NOTCH4: variants seen among roughly 807,000 people sequenced by gnomAD.
NOTCH4 encodes the protein notch receptor 4.
In NOTCH4, 138 loss-of-function variants were observed where a neutral mutation model predicts 189.0. That is an observed-to-expected ratio of 0.73 (90% CI 0.64 to 0.84). The LOEUF (loss-of-function observed/expected upper bound fraction) is 0.84. Ranked by LOEUF, NOTCH4 falls within the 40% of genes least tolerant of loss-of-function variation. The pLI is 0.00. For missense variants in NOTCH4, 2,286 were observed against 2,605.4 expected (o/e 0.88, Z 2.67); for synonymous variants, 942 against 1,032.8 (o/e 0.91, Z 1.69).
intron 11 of NOTCH4, 153 bp downstream of exon 11, chr6:32,216,792 C>T (rs1401903434): frequency 2.1e-6 from 2 of 967,842 alleles, no homozygotes; most frequent in Non-Finnish European, 3.3e-6. Flanking sequence ...CATGGTTGTA[C>T]AATTGTGCAG....
rs443198 is a variant in NOTCH4, at chr6:32,222,629, A to G, written c.333T>C (p.Gly111=). 635,489 of 1,605,374 alleles carry G rather than the reference A, an allele frequency of 0.4. 129,327 individuals carry two copies. The highest frequency in any genetic ancestry group is 0.53 in the East Asian group (23,566 of 44,700). The change falls in exon 3 of 30, where the codon GGT becomes GGC. Residue 111 remains glycine (G), a synonymous_variant. Transcript: ENST00000375023. ...FLCTCLPGFT[G]ERCQAKLEDP... ...CTTCAAGCTTGGCCTGGCATCTCTC[A>G]CCAGTGAAGCCAGGGAGGCAAGTGC...
rs1434121528 is a variant in NOTCH4, at chr6:32,215,206, G to A, written c.2021+20C>T. The A allele has an allele frequency of 1.3e-6, 2 of 1,574,672 alleles. No homozygotes were observed. The highest frequency in any genetic ancestry group is 8.6e-7 in the Non-Finnish European group (1 of 1,162,486). On this transcript the variant is annotated intron_variant, in intron 12 of 29. Coordinates refer to ENST00000375023, the MANE Select transcript of NOTCH4 (RefSeq NM_004557.4). ...GAGCCCAAAGGAGGGGGCAGATGGG[G>A]AGGGTCTGGAAGATGTTACCTCTGG...
chr6:32,217,849 A>G lies in NOTCH4; in HGVS notation c.1624+146T>C. 1 of 622,298 alleles carries G rather than the reference A, an allele frequency of 1.6e-6. No individual in the cohort carries two copies. Among genetic ancestry groups the G allele is most frequent in the Non-Finnish European group, 2.9e-6 (1 of 343,340 alleles). The allele number at this position is 622,298 out of a possible 1,614,324, so 38.5% of individuals were successfully genotyped here. On this transcript the variant is annotated intron_variant, in intron 9 of 29. Coordinates refer to ENST00000375023, the MANE Select transcript of NOTCH4 (RefSeq NM_004557.4). This position sits in a 1 kb window ranked among gnomAD's most constrained non-coding sequence, Gnocchi z 4.2. ...GGAAGATTTGGGGATGTAAGAGTAG[A>G]GATTTTGGGGAGCAAAGACAGATTT...
chr6:32,222,733 C>T lies in NOTCH4; in HGVS notation c.229G>A (p.Gly77Arg), dbSNP rs746522697. 7 of 1,611,332 alleles carry T rather than the reference C, an allele frequency of 4.3e-6. No homozygotes were observed. Among genetic ancestry groups the T allele is most frequent in the Admixed American group, 1.7e-5 (1 of 59,048 alleles). Residue 77 changes from glycine to arginine, a missense_variant, in exon 3 of 30, where the codon GGA (glycine) becomes AGA (arginine). By Grantham distance (125) the Gly-to-Arg change is moderately radical (BLOSUM62 -2). Transcript: ENST00000375023. ...PCQNAQLCQN[G>R]GSCQALLPAP... is the part of the protein sequence containing the mutation. ...GGAAGCAGGGCTTGGCAGCTGCCTC[C>T]ATTTTGGCAGAGCTGGGCGTTCTGG... is the stretch of plus-strand genomic sequence containing the variant.
chr6:32,222,641 A>G lies in NOTCH4; in HGVS notation c.321T>C (p.Pro107=). The G allele has an allele frequency of 6.2e-7, 1 of 1,607,112 alleles. No individual in the cohort carries two copies. The highest frequency in any genetic ancestry group is 8.5e-7 in the Non-Finnish European group (1 of 1,177,816). Residue 107 remains proline, a synonymous_variant, in exon 3 of 30, where the codon CCT becomes CCC. Transcript: ENST00000375023. ...CCTGGCATCTCTCACCAGTGAAGCC[A>G]GGGAGGCAAGTGCACAAGAAGCTGG... ...LTPSFLCTCL[P]GFTGERCQAK...
At chr6:32,209,005 G>T (rs3132947) in intron 18 of NOTCH4, among the ~76,000 whole-genome samples, 28,525 of 152,152 alleles carry the variant, frequency 0.19, 2,807 homozygotes, top group South Asian at 0.25. Context: ...TAACTGAAGT[G>T]CCATCAACAA....
At chr6:32,223,679 C>T (rs1256050400) in intron 1 of NOTCH4, among the ~76,000 whole-genome samples, 177 bp downstream of exon 1, 3 of 152,056 alleles carry the variant, frequency 2.0e-5, no homozygotes, top group East Asian at 1.9e-4. Context: ...GCACCAGGCC[C>T]GAAGCAGCTC....
rs892478057 is a variant in NOTCH4 at position 32,195,711 on chromosome 6, C to G, written c.5738G>C (p.Gly1913Ala). Residue 1913 changes from glycine to alanine, a missense_variant, in exon 30 of 30, where the codon GGC becomes GCC. This residue lies in a region of NOTCH4 where 383 missense variants were observed against 343.5 expected (regional missense o/e 1.11). Coordinates refer to ENST00000375023, the MANE Select transcript of NOTCH4 (RefSeq NM_004557.4). The surrounding 1 kb of genome is among the most constrained non-coding windows in gnomAD (Gnocchi z 5.4). ...GCGCATGCCTGCAGAAAACCTACGG[C>G]CGCGAGGGGTCGGGCCTCCTCCTGC... ...VGAGGGPTPR[G>A]RRFSAGMRGP... The G allele has an allele frequency of 1.9e-6, 3 of 1,612,914 alleles. No homozygotes were observed. In the Admixed American group the frequency reaches 5.0e-5, roughly 27 times the overall value.
At position 32,213,261 on chromosome 6, in the gene NOTCH4, A is replaced by G. The variant is rs773944865; in HGVS notation, c.2321-9T>C. The stretch of plus-strand genomic sequence containing the variant: ...CCCATTGAAGCACGGGGCTGGAGAG[A>G]GGAGGCTGTGAGGGTTTGGGTTCCT... On this transcript the variant is annotated splice_polypyrimidine_tract_variant and intron_variant, in intron 14 of 29. Coordinates refer to ENST00000375023, the MANE Select transcript of NOTCH4 (RefSeq NM_004557.4). 11 of 1,602,032 alleles carry G rather than the reference A, an allele frequency of 6.9e-6. No homozygotes were observed. In the South Asian group the frequency reaches 1.2e-4, roughly 18 times the overall value.
intron 13 of NOTCH4, 122 bp downstream of exon 13, chr6:32,213,988 G>T: frequency 1.4e-6 from 2 of 1,420,968 alleles, no homozygotes; most frequent in Non-Finnish European, 1.9e-6. Flanking sequence ...CACATCACCC[G>T]TGTCCCCTGC....
chr6:32,203,477 AG>A (rs1228062442), intron 20 of NOTCH4: 1 of 447,352 alleles, frequency 2.2e-6, no homozygotes, highest in African/African-American at 2.0e-5. Context: ...AAACACACAC[AG>A]AGTTAAAATA....
At chr6:32,196,202 G>A (rs1787903926) in intron 29 of NOTCH4, 52 bp from the exon 30 acceptor site, 1 of 1,601,540 alleles carries the variant, frequency 6.2e-7, no homozygotes, top group African/African-American at 1.3e-5. Flanking sequence ...CCACAGGACT[G>A]GGCCTTTCTG....
intron 8 of NOTCH4, 95 bp from the exon 9 acceptor site, chr6:32,218,203 C>A: frequency 1.3e-6 from 1 of 777,080 alleles, no homozygotes. Flanking sequence ...TTGCCCCACT[C>A]AGGCGGTCCT....
rs1348511531 is a variant in NOTCH4 at position 32,213,845 on chromosome 6, AG to A, written c.2168-6del. On this transcript the variant is annotated splice_polypyrimidine_tract_variant and splice_region_variant and intron_variant, in intron 13 of 29. Coordinates refer to ENST00000375023, the MANE Select transcript of NOTCH4 (RefSeq NM_004557.4). ...TCTCCTCACTACAGGTGGGTCCTGA[AG>A]GAAACAGGTGGGGGCTGAGAAAGGG... is the stretch of plus-strand genomic sequence containing the variant. 6.2e-7 allele frequency: 1 copy of A among 1,611,696 alleles called. No homozygotes were observed. Among genetic ancestry groups the A allele is most frequent in the South Asian group, 1.1e-5 (1 of 91,000 alleles).
At position 32,220,293 on chromosome 6, in the gene NOTCH4, G is replaced by T. The variant is rs745308410; in HGVS notation, c.1160-9C>A. On this transcript the variant is annotated splice_polypyrimidine_tract_variant and intron_variant, in intron 6 of 29. Coordinates refer to ENST00000375023, the MANE Select transcript of NOTCH4 (RefSeq NM_004557.4). The stretch of plus-strand genomic sequence containing the variant: ...CAAGTGGCACAGGAGTCCTGGAGGG[G>T]TAAGAGGGGGTGAGGCTCTCAAAGG... 2.5e-6 allele frequency: 4 copies of T among 1,611,218 alleles called. No individual in the cohort carries two copies. Among genetic ancestry groups the T allele is most frequent in the Admixed American group, 3.3e-5 (2 of 59,742 alleles).
chr6:32,223,962 C>A lies in NOTCH4; in HGVS notation c.-34G>T. ...CCCTTCTCCAAGCCCCGGTCCCTGT[C>A]CCTCTTCAGGCAGGGACCCTCAGAG... On this transcript the variant is annotated 5_prime_UTR_variant, in exon 1 of 30. Transcript: ENST00000375023. 6.3e-7 allele frequency: 1 copy of A among 1,574,944 alleles called. No homozygotes were observed. The highest frequency in any genetic ancestry group is 1.1e-5 in the South Asian group (1 of 87,688).
chr6:32,202,637 C>G lies in NOTCH4; in HGVS notation c.3232-38G>C. The G allele has an allele frequency of 6.5e-7, 1 of 1,529,228 alleles. No homozygotes were observed. The highest frequency in any genetic ancestry group is 1.4e-5 in the African/African-American group (1 of 72,680). The allele number at this position is 1,529,228 out of a possible 1,614,324, so 94.7% of individuals were successfully genotyped here. ...GGGGAGATATTGGAGATGCAACTTGCATTATTCTTCCCGCTCTCCATCAAG... is the reference window on the plus strand; with the variant it reads ...GGGGAGATATTGGAGATGCAACTTGGATTATTCTTCCCGCTCTCCATCAAG... On this transcript the variant is annotated intron_variant, in intron 20 of 29. Transcript: ENST00000375023. This position sits in a 1 kb window ranked among gnomAD's most constrained non-coding sequence, Gnocchi z 5.7.
Position 32,210,129 on chromosome 6 carries a change from TGAA to T in NOTCH4, c.2865+620_2865+622del, listed in dbSNP as rs888521051. On this transcript the variant is annotated intron_variant, in intron 18 of 29. Coordinates refer to ENST00000375023, the MANE Select transcript of NOTCH4 (RefSeq NM_004557.4). This position sits in a 1 kb window ranked among gnomAD's most constrained non-coding sequence, Gnocchi z 4.8. ...TGGGGAGAAGTTAGGGACATCTTCC[TGAA>T]GAAGATGCCTCCTGAACACCAGCCT... is the stretch of plus-strand genomic sequence containing the variant. Among the ~76,000 whole-genome samples, 1 of 152,102 alleles carries T rather than the reference TGAA, an allele frequency of 6.6e-6. No homozygotes were observed. The highest frequency in any genetic ancestry group is 1.5e-5 in the Non-Finnish European group (1 of 68,012).
chr6:32,204,569 A>G (rs112831495), intron 18 of NOTCH4, among the ~76,000 whole-genome samples, 180 bp from the exon 19 acceptor site: 3 of 152,272 alleles, frequency 2.0e-5, no homozygotes, highest in African/African-American at 7.2e-5. Context: ...ATGAGACACA[A>G]TTGTTGGCGA....
Sources: allele counts gnomAD v4.1 joint callset (sites outside exome capture counted in the v4.1 genomes callset), GRCh38; gene constraint gnomAD v4.1.1; regional missense constraint gnomAD v4.1.1; non-coding constraint Gnocchi (gnomAD v3.1); transcripts MANE v1.5; gene names NCBI Gene and HGNC (gene_info 2026-07-23, HGNC 2026-07-21).